RASSF1: variants seen among roughly 807,000 people sequenced by gnomAD.
RASSF1 encodes ras association domain-containing protein 1.
Under a neutral mutation model 34.3 loss-of-function variants are expected in RASSF1, and 33 were observed. The observed-to-expected ratio is 0.96, with a 90% CI of 0.73 to 1.29. The LOEUF (loss-of-function observed/expected upper bound fraction) is 1.29, where lower values mean the gene tolerates loss of function less well. Ranked by LOEUF, RASSF1 falls within the 50% of genes most tolerant of loss-of-function variation. The pLI is 0.00. For synonymous variants in RASSF1, 191 were observed against 195.0 expected, an observed-to-expected ratio of 0.98 and a Z score of 0.17; for missense variants, 445 against 471.8, an observed-to-expected ratio of 0.94 and a Z score of 0.53.
rs192791352 is a variant in RASSF1, at chr3:50,332,954, C to T, written c.358-800G>A. On this transcript the variant is annotated intron_variant, in intron 2 of 5. Transcript: ENST00000359365. ...TACTAAAAATACAAAATTAGCCAGG[C>T]GTGGTGGCACATGCCTGTAATCCCA... Among the ~76,000 whole-genome samples, 3 of 152,046 alleles carry T rather than the reference C, an allele frequency of 2.0e-5. No homozygotes were observed. The East Asian group carries it at 5.8e-4, about 29-fold the overall frequency.
At position 50,340,740 on chromosome 3, in the gene RASSF1, GC is replaced by G. The variant is rs1479997010; in HGVS notation, c.65del (p.Gly22AlafsTer131). 1.1e-5 allele frequency: 16 copies of G among 1,514,328 alleles called. No homozygotes were observed. The highest frequency in any genetic ancestry group is 1.4e-5 in the African/African-American group (1 of 69,002). 93.8% of individuals were successfully genotyped at this position (1,514,328 alleles called of 1,614,324 possible). On this transcript the variant is annotated frameshift_variant, in exon 1 of 6. Coordinates refer to ENST00000359365, the MANE Select transcript of RASSF1 (RefSeq NM_007182.5). LOFTEE classifies it high-confidence loss of function. ...CGTTGGCACGCTCCAGCCGGGTGCG[GC>G]CCTTCCCAGCGCGCCCAGCGGGTGC... ...ELAPAGRAGK[G>X]RTRLERANAL...
In RASSF1 at chr3:50,340,723, C is replaced by T. The variant is rs201983107; in HGVS notation, c.83G>A (p.Arg28His). ...RAGKGRTRLE[R>H]ANALRIARGT... is the part of the protein sequence containing the mutation. Reference sequence around the variant, plus strand: ...CCGCGCGATGCGCAGCGCGTTGGCACGCTCCAGCCGGGTGCGGCCCTTCCC... The same window carrying T: ...CCGCGCGATGCGCAGCGCGTTGGCATGCTCCAGCCGGGTGCGGCCCTTCCC... The change falls in exon 1 of 6, where the codon CGT becomes CAT. Residue 28 changes from arginine to histidine, a missense_variant. By Grantham distance (29) the Arg-to-His change is conservative. Coordinates refer to ENST00000359365, the MANE Select transcript of RASSF1 (RefSeq NM_007182.5). 1.8e-3 allele frequency: 2,774 copies of T among 1,517,810 alleles called. 8 individuals are homozygous for T. The highest frequency in any genetic ancestry group is 2.3e-3 in the Non-Finnish European group (2,575 of 1,143,030). 94.0% of individuals were successfully genotyped at this position (1,517,810 alleles called of 1,614,324 possible). A position where few individuals can be genotyped will look rare whatever the true frequency, so the allele number is the denominator to read the frequency against.
intron 1 of RASSF1, among the ~76,000 whole-genome samples, chr3:50,338,482 G>A (rs910293007): frequency 3.3e-5 from 5 of 152,174 alleles, no homozygotes; most frequent in African/African-American, 1.2e-4. Context: ...GTTTCACCAT[G>A]TTAGCCAGGC....
chr3:50,338,855 C>T (rs1703261549), intron 1 of RASSF1, among the ~76,000 whole-genome samples: 1 of 152,348 alleles, frequency 6.6e-6, no homozygotes, highest in Admixed American at 6.5e-5. Flanking sequence ...TTCTCACCCC[C>T]TCAGCATCAT....
Position 50,330,533 on chromosome 3 carries a change from G to A in RASSF1, c.*48C>T, listed in dbSNP as rs587599403. 57 of 1,607,628 alleles carry A rather than the reference G, an allele frequency of 3.5e-5. 1 individual carries two copies. In the South Asian group the frequency reaches 4.3e-4, roughly 12 times the overall value. On this transcript the variant is annotated 3_prime_UTR_variant, in exon 6 of 6. Transcript: ENST00000359365. This position sits in a 1 kb window ranked among gnomAD's most constrained non-coding sequence, Gnocchi z 4.5. ...TGGCCCTGTCACACTCACACGGCAC[G>A]CACTTGGCGCTGCCTGCTGTCTGCC...
chr3:50,333,683 T>C (rs1703025414), intron 2 of RASSF1, among the ~76,000 whole-genome samples: 1 of 152,176 alleles, frequency 6.6e-6, no homozygotes, highest in Non-Finnish European at 1.5e-5. Context: ...TTTCACCACA[T>C]TGGCCAGGTT....
intron 2 of RASSF1, among the ~76,000 whole-genome samples, chr3:50,336,015 G>A (rs1253425276): frequency 6.6e-6 from 1 of 152,210 alleles, no homozygotes; most frequent in Non-Finnish European, 1.5e-5. Context: ...TGATCCTTCT[G>A]CCTCACCCTC....
Position 50,340,800 on chromosome 3 carries a change from C to G in RASSF1, c.6G>C (p.Ser2=), listed in dbSNP as rs758311353. M[S]GEPELIELRE... is the part of the protein sequence containing the mutation. ...GCAGCTCAATGAGCTCAGGCTCCCC[C>G]GACATGGCCCGGTTGGGCCCGTGCT... Residue 2 remains serine, a synonymous_variant, in exon 1 of 6, where the codon TCG becomes TCC. Coordinates refer to ENST00000359365, the MANE Select transcript of RASSF1 (RefSeq NM_007182.5). 3.3e-6 allele frequency: 5 copies of G among 1,506,944 alleles called. No individual in the cohort carries two copies. In the Admixed American group the frequency reaches 1.1e-4, roughly 33 times the overall value. 93.3% of individuals were successfully genotyped at this position (1,506,944 alleles called of 1,614,324 possible).
At chr3:50,337,880 C>G in intron 2 of RASSF1, 25 bp downstream of exon 2, 5 of 1,554,202 alleles carry the variant, frequency 3.2e-6, no homozygotes, top group Non-Finnish European at 4.4e-6. Context: ...TCGCCCTTCC[C>G]ATACGCCCTC....
intron 2 of RASSF1, 105 bp from the exon 3 acceptor site, chr3:50,332,259 T>G (rs1205794397): frequency 5.7e-6 from 5 of 880,578 alleles, no homozygotes; most frequent in Middle Eastern, 3.1e-4. Flanking sequence ...TTTGGCCCCC[T>G]GTCCCTGATG....
At chr3:50,331,055 G>C (rs587655117) in intron 5 of RASSF1, among the ~76,000 whole-genome samples, 1 of 152,304 alleles carries the variant, frequency 6.6e-6, no homozygotes, top group South Asian at 2.1e-4. Context: ...TCTGAAGGGG[G>C]CCTCCTCATG....
At position 50,337,438 on chromosome 3, in the gene RASSF1, A is replaced by G. The variant is rs587618280; in HGVS notation, c.357+467T>C. On this transcript the variant is annotated intron_variant, in intron 2 of 5. Transcript: ENST00000359365. ...TGCGCCCGGGCCAGAGCCGCGCCGCAACCGTTAAGACTGAAACGTAGATCG... is the reference window on the plus strand; with the variant it reads ...TGCGCCCGGGCCAGAGCCGCGCCGCGACCGTTAAGACTGAAACGTAGATCG... 38 of 1,576,850 alleles carry G rather than the reference A, an allele frequency of 2.4e-5. No individual in the cohort carries two copies. The South Asian group carries it at 3.9e-4, about 16-fold the overall frequency.
chr3:50,335,437 C>T (rs1428045512), intron 2 of RASSF1, among the ~76,000 whole-genome samples: 1 of 151,900 alleles, frequency 6.6e-6, no homozygotes, highest in Non-Finnish European at 1.5e-5. Flanking sequence ...CTGCCTCAGC[C>T]TCCCCAGTAG....
At chr3:50,332,924 G>C (rs1232402408) in intron 2 of RASSF1, among the ~76,000 whole-genome samples, 1 of 152,002 alleles carries the variant, frequency 6.6e-6, no homozygotes, top group Non-Finnish European at 1.5e-5. Flanking sequence ...GAGAAACCCC[G>C]TCTCTACTAA....
chr3:50,340,591 A>G lies in RASSF1; in HGVS notation c.215T>C (p.Ile72Thr). ...HTWCDLCGDF[I>T]WGVVRKGLQC... ...CAGGCCTTTGCGCACGACGCCCCAG[A>G]TGAAGTCGCCACAGAGGTCGCACCA... The change falls in exon 1 of 6, where the codon ATC (isoleucine) becomes ACC (threonine). Residue 72 changes from isoleucine (I) to threonine (T), a missense_variant. Transcript: ENST00000359365. 3 of 1,549,126 alleles carry G rather than the reference A, an allele frequency of 1.9e-6. No homozygotes were observed. The highest frequency in any genetic ancestry group is 2.5e-5 in the East Asian group (1 of 39,264).
At position 50,330,311 on chromosome 3, in the gene RASSF1, C is replaced by T; in HGVS notation, c.*270G>A. On this transcript the variant is annotated 3_prime_UTR_variant, in exon 6 of 6. Transcript: ENST00000359365. This position sits in a 1 kb window ranked among gnomAD's most constrained non-coding sequence, Gnocchi z 4.5. Reference sequence around the variant, plus strand: ...AAATTGAGGAGACTTCTGTCTGCACCACTCCTGCTGCAGGCCTGGAGCAGC... The same window carrying T: ...AAATTGAGGAGACTTCTGTCTGCACTACTCCTGCTGCAGGCCTGGAGCAGC... The T allele has an allele frequency of 2.3e-6, 1 of 427,424 alleles. No homozygotes were observed. Among genetic ancestry groups the T allele is most frequent in the Non-Finnish European group, 4.2e-6 (1 of 236,996 alleles). 26.5% of individuals were successfully genotyped at this position (427,424 alleles called of 1,614,324 possible). A position where few individuals can be genotyped will look rare whatever the true frequency, so the allele number is the denominator to read the frequency against.
At chr3:50,337,546 C>T (rs1003020047) in intron 2 of RASSF1, 2 of 1,482,176 alleles carry the variant, frequency 1.3e-6, no homozygotes, top group Non-Finnish European at 1.8e-6. Context: ...GACCTCATCG[C>T]TCCGGAGCTC....
rs1485268365 is a variant in RASSF1 at position 50,332,098 on chromosome 3, C to A, written c.414G>T (p.Lys138Asn). ...PDLSQAEIEQ[K>N]IKEYNAQINS... ...TGATCTGGGCATTGTACTCCTTGATCTTCTGCTCAATCTCAGCTTGAGAAA... is the reference window on the plus strand; with the variant it reads ...TGATCTGGGCATTGTACTCCTTGATATTCTGCTCAATCTCAGCTTGAGAAA... The change falls in exon 3 of 6, where the codon AAG becomes AAT. Residue 138 changes from lysine to asparagine, a missense_variant. Transcript: ENST00000359365. The A allele has an allele frequency of 6.2e-7, 1 of 1,614,086 alleles. No individual in the cohort carries two copies. Among genetic ancestry groups the A allele is most frequent in the Admixed American group, 1.7e-5 (1 of 60,006 alleles).
intron 2 of RASSF1, chr3:50,337,266 G>A: frequency 6.2e-7 from 1 of 1,613,150 alleles, no homozygotes; most frequent in African/African-American, 1.3e-5. Context: ...AGTAGCCACT[G>A]CTCGTCGTGC....
Sources: gnomAD v4.1 joint callset for allele counts (sites outside exome capture counted in the v4.1 genomes callset) on GRCh38, gnomAD v4.1.1 for gene constraint, Gnocchi (gnomAD v3.1) non-coding constraint, MANE v1.5 for transcripts, NCBI Gene and HGNC (gene_info 2026-07-23, HGNC 2026-07-21) for gene names.